Variants in SLC16A7 observed in about 807,000 individuals in gnomAD.
SLC16A7 encodes solute carrier family 16 member 7.
In SLC16A7, 33 loss-of-function variants were observed where a neutral mutation model predicts 34.9. The ratio of observed to expected loss-of-function variants is 0.94; its 90% CI spans 0.72 to 1.26. SLC16A7 has a LOEUF of 1.26. Ranked by LOEUF, SLC16A7 falls within the 50% of genes most tolerant of loss-of-function variation. The pLI, the probability that SLC16A7 is intolerant of heterozygous loss-of-function variation, is 0.00. For synonymous variants in SLC16A7, 201 were observed against 206.6 expected, an observed-to-expected ratio of 0.97 and a Z score of 0.23; for missense variants, 573 against 578.1, an observed-to-expected ratio of 0.99 and a Z score of 0.09.
rs746250482 is a variant in SLC16A7, at chr12:59,683,098, G to T, written c.-30-21674G>T. ...AAAAATTGCATATTGACATAATGAA[G>T]ATGTTGAGAAATTGTGAAATAAATA... On this transcript the variant is annotated intron_variant, in intron 2 of 5. Transcript: ENST00000547379. 8.4e-4 allele frequency among the ~76,000 whole-genome samples: 128 copies of T among 152,034 alleles called. 1 individual carries two copies. Among genetic ancestry groups the T allele is most frequent in the Non-Finnish European group, 1.6e-3 (109 of 67,968 alleles).
chr12:59,635,621 A>T (rs896989888), intron 1 of SLC16A7, among the ~76,000 whole-genome samples: 3 of 152,086 alleles, frequency 2.0e-5, no homozygotes, highest in African/African-American at 7.2e-5. Context: ...GTTATACAAT[A>T]GTATTTTCCA....
intron 1 of SLC16A7, among the ~76,000 whole-genome samples, chr12:59,606,463 A>G (rs1163588764): frequency 6.6e-6 from 1 of 152,202 alleles, no homozygotes; most frequent in Non-Finnish European, 1.5e-5. Flanking sequence ...ACATGCCAAC[A>G]TAATTATTGA....
At chr12:59,734,636 GC>G (rs1288763443) in intron 3 of SLC16A7, among the ~76,000 whole-genome samples, 1 of 152,238 alleles carries the variant, frequency 6.6e-6, no homozygotes, top group Non-Finnish European at 1.5e-5. Context: ...GGCCACACCT[GC>G]CCCACTGCAG....
At chr12:59,642,161 A>G (rs1880713860) in intron 1 of SLC16A7, among the ~76,000 whole-genome samples, 1 of 152,014 alleles carries the variant, frequency 6.6e-6, no homozygotes. Context: ...TTCAAAATGA[A>G]TTTGCTCTGT....
Position 59,775,129 on chromosome 12 carries a change from T to C in SLC16A7, c.834T>C (p.Asp278=), listed in dbSNP as rs778781040. Residue 278 remains aspartate (D), a synonymous_variant, in exon 5 of 6, where the codon GAT becomes GAC. Coordinates refer to ENST00000547379, the MANE Select transcript of SLC16A7 (RefSeq NM_001270623.2). ...CATATGCTAAAGACCAAGGAATTGATGAGTACTCGGCAGCTTTTCTGCTAT... is the reference window on the plus strand; with the variant it reads ...CATATGCTAAAGACCAAGGAATTGACGAGTACTCGGCAGCTTTTCTGCTAT... ...LAPYAKDQGI[D]EYSAAFLLSV... 1.2e-6 allele frequency: 2 copies of C among 1,614,026 alleles called. No homozygotes were observed. The highest frequency in any genetic ancestry group is 2.2e-5 in the South Asian group (2 of 91,084).
At chr12:59,704,199 C>CAAAAAAAAAAAAAAAAAAAAAAAA (rs34021022) in intron 2 of SLC16A7, among the ~76,000 whole-genome samples, 8 of 51,564 alleles carry the variant, frequency 1.6e-4, no homozygotes, top group South Asian at 8.3e-4. Context: ...GACTCTGTCT[C>CAAAAAAAAAAAAAAAAAAAAAAAA]AAAAAAAAAA....
chr12:59,599,160 A>C (rs925027522), intron 1 of SLC16A7, among the ~76,000 whole-genome samples: 1 of 152,150 alleles, frequency 6.6e-6, no homozygotes, highest in African/African-American at 2.4e-5. Context: ...CTGGCATGTC[A>C]TGGTTCAGAA....
intron 1 of SLC16A7, among the ~76,000 whole-genome samples, chr12:59,613,260 T>C (rs537341332): frequency 1.3e-5 from 2 of 152,290 alleles, no homozygotes; most frequent in Admixed American, 1.3e-4. Context: ...AACCATCAGA[T>C]CTTGTGAGAA....
In SLC16A7 at chr12:59,788,498, C is replaced by T. The variant is rs1410132810; in HGVS notation, c.*8819C>T. On this transcript the variant is annotated 3_prime_UTR_variant, in exon 6 of 6. Transcript: ENST00000547379. ...AAATAAAGAGGATAGTTTTGCTTGACACCTAAATGATCCAAACAGTTGTTT... is the reference window on the plus strand; with the variant it reads ...AAATAAAGAGGATAGTTTTGCTTGATACCTAAATGATCCAAACAGTTGTTT... 6.6e-6 allele frequency: 1 copy of T among 152,002 alleles called. No individual in the cohort carries two copies. The highest frequency in any genetic ancestry group is 2.4e-5 in the African/African-American group (1 of 41,420). 9.4% of individuals were successfully genotyped at this position (152,002 alleles called of 1,614,324 possible). A position where few individuals can be genotyped will look rare whatever the true frequency, so the allele number is the denominator to read the frequency against.
chr12:59,721,308 G>C (rs1197520715), intron 3 of SLC16A7, among the ~76,000 whole-genome samples: 1 of 151,790 alleles, frequency 6.6e-6, no homozygotes, highest in Non-Finnish European at 1.5e-5. Flanking sequence ...ACATTCTCCT[G>C]CCTGTTTACA....
At chr12:59,726,444 G>C (rs940303615) in intron 3 of SLC16A7, among the ~76,000 whole-genome samples, 1 of 152,004 alleles carries the variant, frequency 6.6e-6, no homozygotes, top group African/African-American at 2.4e-5. Context: ...GAAGGATAGG[G>C]TAAAAGAGAA....
rs1489121109 is a variant in SLC16A7, at chr12:59,783,535, G to A, written c.*3856G>A. On this transcript the variant is annotated 3_prime_UTR_variant, in exon 6 of 6. Transcript: ENST00000547379. ...GAAGATAAAATATAGGTACAAAAAA[G>A]ATACATCCTATATAGTAAAACAATT... 2 of 152,026 alleles carry A rather than the reference G, an allele frequency of 1.3e-5. No individual in the cohort carries two copies. The highest frequency in any genetic ancestry group is 4.8e-5 in the African/African-American group (2 of 41,418). 9.4% of individuals were successfully genotyped at this position (152,026 alleles called of 1,614,324 possible).
At chr12:59,767,837 G>T (rs1478503420) in intron 3 of SLC16A7, among the ~76,000 whole-genome samples, 1 of 150,940 alleles carries the variant, frequency 6.6e-6, no homozygotes, top group Admixed American at 6.6e-5. Flanking sequence ...GCAAACTATC[G>T]CAAGGACAAA....
At chr12:59,747,216 T>C (rs1392975987) in intron 3 of SLC16A7, among the ~76,000 whole-genome samples, 2 of 152,222 alleles carry the variant, frequency 1.3e-5, no homozygotes, top group Admixed American at 1.3e-4. Flanking sequence ...GATATAGTTA[T>C]ATGAAAGAAA....
intron 3 of SLC16A7, chr12:59,736,062 C>T (rs1877554918): frequency 3.7e-6 from 1 of 271,794 alleles, no homozygotes; most frequent in Admixed American, 4.6e-5. Flanking sequence ...GTTGGTGAGA[C>T]ACCATACAAC....
intron 2 of SLC16A7, among the ~76,000 whole-genome samples, chr12:59,702,443 A>G (rs1051993550): frequency 6.6e-6 from 1 of 152,028 alleles, no homozygotes; most frequent in Non-Finnish European, 1.5e-5. Context: ...CTGAAAACAT[A>G]CAAACCATCT....
At chr12:59,623,949 A>G (rs548897459) in intron 1 of SLC16A7, among the ~76,000 whole-genome samples, 1 of 151,474 alleles carries the variant, frequency 6.6e-6, no homozygotes, top group East Asian at 1.9e-4. Context: ...AGATTATTTT[A>G]TAGTTTTTTT....
In SLC16A7 at chr12:59,736,779, G is replaced by A. The variant is rs142431985; in HGVS notation, c.217+31761G>A. Among the ~76,000 whole-genome samples, 149 of 152,212 alleles carry A rather than the reference G, an allele frequency of 9.8e-4. 1 individual carries two copies. The highest frequency in any genetic ancestry group is 3.4e-3 in the Middle Eastern group (1 of 294). On this transcript the variant is annotated intron_variant, in intron 3 of 5. Transcript: ENST00000547379. ...GTTACTAAACAAGTCCTGATCATCT[G>A]TCCTCCTTATGCATAACTTCCTCCA...
At chr12:59,633,177 T>A (rs1248330014) in intron 1 of SLC16A7, among the ~76,000 whole-genome samples, 1 of 151,996 alleles carries the variant, frequency 6.6e-6, no homozygotes, top group African/African-American at 2.4e-5. Context: ...AGTTAGGCAG[T>A]CTTTTTGGTT....
Sources: allele counts gnomAD v4.1 joint callset (sites outside exome capture counted in the v4.1 genomes callset), GRCh38; gene constraint gnomAD v4.1.1; transcripts MANE v1.5; gene names NCBI Gene and HGNC (gene_info 2026-07-23, HGNC 2026-07-21).